The following EPB41L3 variants were observed in gnomAD, a reference collection of about 807,000 sequenced individuals.
EPB41L3 encodes the protein band 4.1-like protein 3.
A neutral mutation model predicts 127.1 loss-of-function variants in EPB41L3; 57 were observed. The observed-to-expected ratio is 0.45, with a 90% CI of 0.36 to 0.56. The LOEUF (loss-of-function observed/expected upper bound fraction) is 0.56. Ranked by LOEUF, EPB41L3 falls within the 20% of genes least tolerant of loss-of-function variation. The pLI, the probability that EPB41L3 is intolerant of heterozygous loss-of-function variation, is 0.00. For synonymous variants in EPB41L3, 572 were observed against 549.5 expected, an observed-to-expected ratio of 1.04 and a Z score of -0.57; for missense variants, 1,273 against 1,372.2, an observed-to-expected ratio of 0.93 and a Z score of 1.14.
At chr18:5,568,596 G>A (rs746131354) in intron 3 of EPB41L3, among the ~76,000 whole-genome samples, 53 of 152,164 alleles carry the variant, frequency 3.5e-4, no homozygotes, top group Admixed American at 2.6e-4. Context: ...AATGCAACAC[G>A]TCTGTGGGTG....
chr18:5,542,849 C>A (rs2093771629), intron 1 of EPB41L3, among the ~76,000 whole-genome samples: 1 of 152,180 alleles, frequency 6.6e-6, no homozygotes, highest in African/African-American at 2.4e-5. Context: ...ATGAACTTGG[C>A]GGGCGTGGGG....
chr18:5,505,818 C>T (rs1191093650), intron 1 of EPB41L3, among the ~76,000 whole-genome samples: 10 of 129,796 alleles, frequency 7.7e-5, no homozygotes, highest in Non-Finnish European at 1.3e-4. Flanking sequence ...CTTCCCTCTA[C>T]ACCTTCACCT....
intron 1 of EPB41L3, among the ~76,000 whole-genome samples, chr18:5,513,291 G>A (rs866013692): frequency 5.9e-5 from 9 of 152,160 alleles, no homozygotes; most frequent in Admixed American, 2.0e-4. Context: ...CCTAACCTAC[G>A]CTAATCAACT....
intron 3 of EPB41L3, among the ~76,000 whole-genome samples, chr18:5,605,449 G>A (rs572862243): frequency 2.6e-5 from 4 of 152,022 alleles, no homozygotes; most frequent in Admixed American, 6.6e-5. Flanking sequence ...TGCACTCATG[G>A]CTCACTGCAG....
intron 3 of EPB41L3, among the ~76,000 whole-genome samples, chr18:5,591,522 C>T (rs1044968563): frequency 6.6e-6 from 1 of 152,140 alleles, no homozygotes; most frequent in African/African-American, 2.4e-5. Flanking sequence ...AAGGTCCCAT[C>T]TTCTAATAGT....
At chr18:5,516,841 C>T (rs1195365887) in intron 1 of EPB41L3, among the ~76,000 whole-genome samples, 1 of 152,138 alleles carries the variant, frequency 6.6e-6, no homozygotes, top group African/African-American at 2.4e-5. Flanking sequence ...CCTCAATTTG[C>T]CAGTTAATTA....
intron 3 of EPB41L3, among the ~76,000 whole-genome samples, chr18:5,584,248 C>A (rs1012402801): frequency 2.0e-5 from 3 of 152,198 alleles, no homozygotes; most frequent in African/African-American, 7.2e-5. Context: ...GAGATTAAAT[C>A]CCTAAGGATC....
chr18:5,416,134 G>T lies in EPB41L3; in HGVS notation c.1751C>A (p.Thr584Asn). 6.2e-7 allele frequency: 1 copy of T among 1,613,750 alleles called. No individual in the cohort carries two copies. Among genetic ancestry groups the T allele is most frequent in the Non-Finnish European group, 8.5e-7 (1 of 1,179,808 alleles). Residue 584 changes from threonine to asparagine, a missense_variant, in exon 13 of 23, where the codon ACC (threonine) becomes AAC (asparagine). By Grantham distance (65) the Thr-to-Asn change is moderately conservative (BLOSUM62 0). Transcript: ENST00000341928. The stretch of plus-strand genomic sequence containing the variant: ...GAGCTGCAAGGAGAAGGAGAACAGG[G>T]TGGTCCCCTTGCCAGTTTGCTGTCT... ...SYRQQTGKGTTLFSFSLQLPE... is the reference protein window; with the variant it reads ...SYRQQTGKGTNLFSFSLQLPE...
chr18:5,541,539 C>T (rs1276082475), intron 1 of EPB41L3, among the ~76,000 whole-genome samples: 3 of 152,180 alleles, frequency 2.0e-5, no homozygotes, highest in African/African-American at 7.2e-5. Flanking sequence ...TCTCTCAGTA[C>T]ATGGATAGTT....
intron 3 of EPB41L3, among the ~76,000 whole-genome samples, chr18:5,550,795 C>T (rs2093953373): frequency 6.6e-6 from 1 of 152,182 alleles, no homozygotes; most frequent in Non-Finnish European, 1.5e-5. Context: ...GAGGTAGCAA[C>T]TCAAGCACTG....
intron 3 of EPB41L3, among the ~76,000 whole-genome samples, chr18:5,594,340 G>A (rs1409975186): frequency 2.4e-4 from 36 of 151,990 alleles, no homozygotes; most frequent in Non-Finnish European, 4.6e-4. Flanking sequence ...ACCCACCATT[G>A]GTACATTACC....
At chr18:5,431,142 A>T (rs1199920314) in intron 8 of EPB41L3, 1 of 152,208 alleles carries the variant, frequency 6.6e-6, no homozygotes, top group African/African-American at 2.4e-5. Flanking sequence ...ATGCACATTA[A>T]GTGACAAACA....
At chr18:5,533,404 G>A (rs1020973327) in intron 1 of EPB41L3, among the ~76,000 whole-genome samples, 21 of 152,074 alleles carry the variant, frequency 1.4e-4, no homozygotes, top group Admixed American at 9.8e-4. Flanking sequence ...TGTCCTTCTC[G>A]GATATGAGCA....
Position 5,419,706 on chromosome 18 carries a change from T to G in EPB41L3, c.1506+5A>C, listed in dbSNP as rs764887708. On this transcript the variant is annotated splice_donor_5th_base_variant and intron_variant, in intron 12 of 22. Transcript: ENST00000341928. ...AAGCTCTTGCAGGCAGTCTGGGAGC[T>G]ATACCTTTCCCTCGTGCCGGATGGC... is the stretch of plus-strand genomic sequence containing the variant. The G allele has an allele frequency of 6.2e-7, 1 of 1,613,786 alleles. No individual in the cohort carries two copies. The highest frequency in any genetic ancestry group is 8.5e-7 in the Non-Finnish European group (1 of 1,179,970).
chr18:5,496,582 C>T (rs2091200057), intron 1 of EPB41L3, among the ~76,000 whole-genome samples: 1 of 152,226 alleles, frequency 6.6e-6, no homozygotes, highest in Non-Finnish European at 1.5e-5. Context: ...GCACTGTGAA[C>T]ACTCTGTCAA....
chr18:5,427,250 T>C (rs2078314721), intron 9 of EPB41L3, among the ~76,000 whole-genome samples: 2 of 152,172 alleles, frequency 1.3e-5, no homozygotes, highest in Admixed American at 6.5e-5. Flanking sequence ...GATAATTCTA[T>C]ATCATATCAG....
chr18:5,438,070 T>A lies in EPB41L3; in HGVS notation c.570A>T (p.Pro190=). 1 of 1,613,908 alleles carries A rather than the reference T, an allele frequency of 6.2e-7. No individual in the cohort carries two copies. Among genetic ancestry groups the A allele is most frequent in the Non-Finnish European group, 8.5e-7 (1 of 1,179,938 alleles). ...CTTCAGATAGTTGGGCAGGGTCTGG[T>A]GGATAAAATTTCACATTAAATGAAA... ...WHFSFNVKFY[P]PDPAQLSEDI... The change falls in exon 6 of 23, where the codon CCA becomes CCT. Residue 190 remains proline, a synonymous_variant. Transcript: ENST00000341928.
intron 1 of EPB41L3, among the ~76,000 whole-genome samples, chr18:5,516,172 C>G (rs1267442993): frequency 5.9e-5 from 9 of 152,224 alleles, no homozygotes; most frequent in Non-Finnish European, 4.4e-5. Flanking sequence ...ACTCCCGAAA[C>G]TCACACCTCA....
intron 16 of EPB41L3, among the ~76,000 whole-genome samples, chr18:5,402,506 C>G (rs1381699478): frequency 6.6e-6 from 1 of 152,076 alleles, no homozygotes; most frequent in Non-Finnish European, 1.5e-5. Flanking sequence ...TAAAAAATGC[C>G]TCTGTCTTAT....
Sources: gnomAD v4.1 joint callset for allele counts (sites outside exome capture counted in the v4.1 genomes callset) on GRCh38, gnomAD v4.1.1 for gene constraint, MANE v1.5 for transcripts, NCBI Gene and HGNC (gene_info 2026-07-23, HGNC 2026-07-21) for gene names.